Variants in CHM observed in about 807,000 individuals in gnomAD.
CHM encodes the protein CHM Rab escort protein.
CHM carries 10 observed loss-of-function variants against 49.0 expected under a neutral mutation model. That is an observed-to-expected ratio of 0.20 (90% CI 0.13 to 0.35). CHM has a LOEUF of 0.35. CHM is among the 10% of genes least tolerant of loss of function. The probability of loss-of-function intolerance (pLI) is 1.00; values close to 1 mark genes in which losing one functional copy is unlikely to be tolerated. For synonymous variants in CHM, 184 were observed against 167.5 expected (o/e 1.10, Z -0.76); for missense variants, 455 against 478.4 (o/e 0.95, Z 0.46).
At chrX:86,023,239 C>T (rs1933675871) in intron 2 of CHM, among the ~76,000 whole-genome samples, 1 of 111,095 alleles carries the variant, frequency 9.0e-6, no homozygotes, top group Non-Finnish European at 1.9e-5. Flanking sequence ...TGACCTGAGC[C>T]CTACCTTTGT....
chrX:85,914,200 C>T (rs1012907418), intron 8 of CHM, among the ~76,000 whole-genome samples: 3 of 110,750 alleles, frequency 2.7e-5, no homozygotes, highest in Non-Finnish European at 3.8e-5. Flanking sequence ...AGGTTTGGCA[C>T]GGGAAGAGTT....
intron 8 of CHM, among the ~76,000 whole-genome samples, chrX:85,919,971 C>G (rs1428723804): frequency 9.0e-6 from 1 of 111,446 alleles, no homozygotes; most frequent in South Asian, 3.8e-4. Flanking sequence ...ATAAAGACTC[C>G]TCTGTATGCT....
chrX:85,903,583 T>G (rs1926410556), intron 9 of CHM: 2 of 384,123 alleles, frequency 5.2e-6, no homozygotes, highest in Non-Finnish European at 5.2e-6. Flanking sequence ...ATGTGCCTAT[T>G]TATGCTGATG....
chrX:86,043,013 T>C (rs1278820330), intron 1 of CHM, among the ~76,000 whole-genome samples: 1 of 111,491 alleles, frequency 9.0e-6, no homozygotes, highest in Non-Finnish European at 1.9e-5. Flanking sequence ...ATCAGCCATT[T>C]TTATAGGAAA....
chrX:85,985,025 G>A (rs1184713255), intron 2 of CHM, among the ~76,000 whole-genome samples: 1 of 111,453 alleles, frequency 9.0e-6, no homozygotes, highest in African/African-American at 3.3e-5. Context: ...CCTAGGAAAG[G>A]GGCTGAATTC....
chrX:86,018,028 ACTT>A (rs1436076021), intron 2 of CHM, among the ~76,000 whole-genome samples: 1 of 112,451 alleles, frequency 8.9e-6, no homozygotes, highest in Non-Finnish European at 1.9e-5. Flanking sequence ...GAAGCCATAT[ACTT>A]CCAAACCATG....
chrX:86,015,858 C>T (rs574104365), intron 2 of CHM, among the ~76,000 whole-genome samples: 17 of 112,289 alleles, frequency 1.5e-4, no homozygotes, highest in Middle Eastern at 4.6e-3. Context: ...TGGGGCCGGG[C>T]GGGGTGGCTC....
chrX:85,872,947 A>G, intron 14 of CHM, 105 bp downstream of exon 14: 1 of 752,078 alleles, frequency 1.3e-6, no homozygotes, highest in Middle Eastern at 2.9e-4. Flanking sequence ...CAGAAATGGT[A>G]CTACTGAGAG....
chrX:85,948,498 C>T (rs888755557), intron 8 of CHM, among the ~76,000 whole-genome samples: 1 of 111,687 alleles, frequency 9.0e-6, no homozygotes, highest in African/African-American at 3.3e-5. Flanking sequence ...AAAAAATCTA[C>T]CTATTTAAAT....
intron 2 of CHM, among the ~76,000 whole-genome samples, chrX:86,006,699 C>A (rs900854614): frequency 9.0e-6 from 1 of 111,432 alleles, no homozygotes; most frequent in Non-Finnish European, 1.9e-5. Flanking sequence ...ATACAACTTA[C>A]AAGGGATGTG....
intron 2 of CHM, among the ~76,000 whole-genome samples, chrX:86,008,852 C>T (rs1244595299): frequency 8.9e-6 from 1 of 112,148 alleles, no homozygotes; most frequent in Non-Finnish European, 1.9e-5. Context: ...GTACTGTGGG[C>T]CACAGTTTGC....
chrX:85,980,710 G>C (rs1036713603), intron 3 of CHM, among the ~76,000 whole-genome samples: 1 of 111,411 alleles, frequency 9.0e-6, no homozygotes, highest in Non-Finnish European at 1.9e-5. Context: ...CAAGCCACAT[G>C]TACCAATCTG....
At chrX:85,975,792 G>A (rs927761089) in intron 4 of CHM, among the ~76,000 whole-genome samples, 53 of 112,047 alleles carry the variant, frequency 4.7e-4, no homozygotes, top group Non-Finnish European at 7.5e-4. Flanking sequence ...AAATTGTATG[G>A]AACTAAATAC....
chrX:85,916,282 C>CAT (rs1388681264), intron 8 of CHM, among the ~76,000 whole-genome samples: 3 of 111,768 alleles, frequency 2.7e-5, no homozygotes, highest in Admixed American at 9.5e-5. Flanking sequence ...TTCCTTACAC[C>CAT]ATATATATAT....
chrX:85,922,169 T>C (rs1240262629), intron 8 of CHM, among the ~76,000 whole-genome samples: 1 of 112,520 alleles, frequency 8.9e-6, no homozygotes, highest in Non-Finnish European at 1.9e-5. Context: ...TACATACTTA[T>C]ATTGCATATT....
At chrX:85,886,046 CATAATTACT>C (rs1387797678) in intron 12 of CHM, among the ~76,000 whole-genome samples, 4 of 111,334 alleles carry the variant, frequency 3.6e-5, no homozygotes, top group Non-Finnish European at 5.7e-5. Flanking sequence ...ATTTCAACAT[CATAATTACT>C]ACAAATATGA....
chrX:86,040,451 T>C (rs1255311677), intron 1 of CHM, among the ~76,000 whole-genome samples: 1 of 112,270 alleles, frequency 8.9e-6, no homozygotes, highest in Non-Finnish European at 1.9e-5. Context: ...TGCTCCCTCC[T>C]ATGAGGAGTT....
At chrX:85,868,546 CCTTTT>C (rs776844348) in intron 14 of CHM, among the ~76,000 whole-genome samples, 1 of 111,188 alleles carries the variant, frequency 9.0e-6, no homozygotes, top group Non-Finnish European at 1.9e-5. Flanking sequence ...GTTCTCCCTC[CCTTTT>C]ATCTTTGGCA....
intron 13 of CHM, among the ~76,000 whole-genome samples, chrX:85,878,752 T>C (rs1417674382): frequency 1.8e-5 from 2 of 111,397 alleles, no homozygotes; most frequent in African/African-American, 6.5e-5. Flanking sequence ...TTTTGGTGTG[T>C]GTATGATGTA....
Sources: allele counts gnomAD v4.1 joint callset (sites outside exome capture counted in the v4.1 genomes callset), GRCh38; gene constraint gnomAD v4.1.1; transcripts MANE v1.5; gene names NCBI Gene and HGNC (gene_info 2026-07-23, HGNC 2026-07-21).